PPP1R13B: variants seen among roughly 807,000 people sequenced by gnomAD.
PPP1R13B encodes apoptosis-stimulating of p53 protein 1.
Under a neutral mutation model 119.8 loss-of-function variants are expected in PPP1R13B, and 44 were observed. The ratio of observed to expected loss-of-function variants is 0.37; its 90% CI spans 0.29 to 0.47. PPP1R13B has a LOEUF of 0.47. Among genes scored for constraint, PPP1R13B ranks in the 20% least tolerant of loss-of-function variants. The pLI is 0.99. For missense variants in PPP1R13B, 1,227 were observed against 1,413.5 expected (o/e 0.87, Z 2.12); for synonymous variants, 542 against 561.5 (o/e 0.97, Z 0.49).
chr14:103,819,816 T>G (rs2086365328), intron 1 of PPP1R13B, among the ~76,000 whole-genome samples: 1 of 152,136 alleles, frequency 6.6e-6, no homozygotes, highest in African/African-American at 2.4e-5. Context: ...AACCCCCTTT[T>G]GAGAGGTTAC....
At chr14:103,744,703 T>C (rs1386201371) in intron 9 of PPP1R13B, among the ~76,000 whole-genome samples, 5 of 152,180 alleles carry the variant, frequency 3.3e-5, no homozygotes. Context: ...TCACTCTGGG[T>C]TTACTGTGGC....
Position 103,778,595 on chromosome 14 carries a change from A to G in PPP1R13B, c.354+150T>C. ...ATTTTTTAAAACCTTTTATAGACAG[A>G]GGGTCTCACCATCTTGCTCCAGCTG... On this transcript the variant is annotated intron_variant, in intron 4 of 16. Transcript: ENST00000202556. 3 of 646,582 alleles carry G rather than the reference A, an allele frequency of 4.6e-6. No homozygotes were observed. The South Asian group carries it at 5.6e-5, about 12-fold the overall frequency. 40.1% of individuals were successfully genotyped at this position (646,582 alleles called of 1,614,324 possible). A position where few individuals can be genotyped will look rare whatever the true frequency, so the allele number is the denominator to read the frequency against.
At position 103,746,396 on chromosome 14, in the gene PPP1R13B, G is replaced by C. The variant is rs762791757; in HGVS notation, c.1127C>G (p.Ala376Gly). The C allele has an allele frequency of 5.0e-5, 80 of 1,610,444 alleles. No individual in the cohort carries two copies. The highest frequency in any genetic ancestry group is 5.9e-5 in the Non-Finnish European group (70 of 1,178,470). The change falls in exon 9 of 17, where the codon GCT (alanine) becomes GGT (glycine). Residue 376 changes from alanine to glycine, a missense_variant. Transcript: ENST00000202556. ...KPQSLSIASN[A>G]AHGRSKSAND... Reference sequence around the variant, plus strand: ...ACCGGATTTGGATCTTCCATGAGCAGCATTTGAGGCAATACTGAGAGACTG... The same window carrying C: ...ACCGGATTTGGATCTTCCATGAGCACCATTTGAGGCAATACTGAGAGACTG...
chr14:103,794,002 G>T (rs887462804), intron 2 of PPP1R13B, among the ~76,000 whole-genome samples: 1 of 152,180 alleles, frequency 6.6e-6, no homozygotes, highest in Admixed American at 6.5e-5. Flanking sequence ...CCTTACAAGA[G>T]GGGGAGGTTT....
intron 1 of PPP1R13B, among the ~76,000 whole-genome samples, chr14:103,803,263 T>C (rs1595795675): frequency 6.6e-6 from 1 of 152,046 alleles, no homozygotes; most frequent in East Asian, 1.9e-4. Context: ...ACAAAACAGA[T>C]GAAATTCAGT....
chr14:103,757,424 CAA>C (rs2084704412), intron 5 of PPP1R13B, among the ~76,000 whole-genome samples: 1 of 152,108 alleles, frequency 6.6e-6, no homozygotes, highest in African/African-American at 2.4e-5. Context: ...TTGTATGTGT[CAA>C]AAGTGAGATG....
chr14:103,811,973 T>C (rs1396534687), intron 1 of PPP1R13B, among the ~76,000 whole-genome samples: 3 of 136,084 alleles, frequency 2.2e-5, no homozygotes, highest in Non-Finnish European at 3.0e-5. Flanking sequence ...GGTGGGAGAA[T>C]GGCGTGAACC....
intron 1 of PPP1R13B, among the ~76,000 whole-genome samples, chr14:103,825,980 A>T (rs1056072157): frequency 6.6e-6 from 1 of 152,006 alleles, no homozygotes; most frequent in East Asian, 1.9e-4. Context: ...GAGTAGCTGA[A>T]ATTACAGGTG....
At chr14:103,769,785 T>C (rs1237665749) in intron 4 of PPP1R13B, among the ~76,000 whole-genome samples, 1 of 152,208 alleles carries the variant, frequency 6.6e-6, no homozygotes, top group Non-Finnish European at 1.5e-5. Context: ...GATAATGATA[T>C]CAAGATACCT....
chr14:103,841,616 T>G (rs1024251455), intron 1 of PPP1R13B, among the ~76,000 whole-genome samples: 11 of 152,054 alleles, frequency 7.2e-5, no homozygotes, highest in Non-Finnish European at 4.4e-5. Flanking sequence ...AAAAAAAAAT[T>G]TTTTTAAATA....
At chr14:103,788,280 C>G (rs962927672) in intron 2 of PPP1R13B, among the ~76,000 whole-genome samples, 1 of 152,138 alleles carries the variant, frequency 6.6e-6, no homozygotes, top group Non-Finnish European at 1.5e-5. Context: ...GTCAGACTTA[C>G]TGTTACCTTA....
chr14:103,813,317 T>A (rs1288734654), intron 1 of PPP1R13B, among the ~76,000 whole-genome samples: 1 of 151,830 alleles, frequency 6.6e-6, no homozygotes, highest in Non-Finnish European at 1.5e-5. Context: ...TTTCTGTATA[T>A]CTAAAACTTC....
chr14:103,830,006 T>C (rs1454277776), intron 1 of PPP1R13B, among the ~76,000 whole-genome samples: 1 of 152,054 alleles, frequency 6.6e-6, no homozygotes, highest in Non-Finnish European at 1.5e-5. Flanking sequence ...CTCCATCTCC[T>C]GATGTCATGA....
intron 1 of PPP1R13B, among the ~76,000 whole-genome samples, chr14:103,822,799 C>A (rs2086442455): frequency 6.6e-6 from 1 of 151,478 alleles, no homozygotes; most frequent in Admixed American, 6.6e-5. Context: ...AGAGACAGAG[C>A]AAGACTCCAT....
At chr14:103,760,443 C>T (rs994504510) in intron 4 of PPP1R13B, among the ~76,000 whole-genome samples, 2 of 152,146 alleles carry the variant, frequency 1.3e-5, no homozygotes, top group African/African-American at 4.8e-5. Flanking sequence ...GTAGAGTTGT[C>T]GGATGAGTTC....
chr14:103,799,323 C>T (rs567894983), intron 1 of PPP1R13B, among the ~76,000 whole-genome samples: 13 of 152,224 alleles, frequency 8.5e-5, no homozygotes, highest in Non-Finnish European at 1.8e-4. Flanking sequence ...GGACTACAGG[C>T]GCACGTCACT....
At chr14:103,743,903 C>T (rs1367278123) in intron 9 of PPP1R13B, 3 of 152,302 alleles carry the variant, frequency 2.0e-5, no homozygotes, top group African/African-American at 7.2e-5. Context: ...GATGCAGCCG[C>T]ACCGCAACCC....
At chr14:103,767,858 T>C (rs2084971585) in intron 4 of PPP1R13B, among the ~76,000 whole-genome samples, 1 of 152,228 alleles carries the variant, frequency 6.6e-6, no homozygotes, top group South Asian at 2.1e-4. Context: ...TCAATCTTGA[T>C]AAAGTTAATC....
chr14:103,785,297 G>A (rs1047629720), intron 2 of PPP1R13B, among the ~76,000 whole-genome samples: 41 of 152,076 alleles, frequency 2.7e-4, no homozygotes, highest in African/African-American at 8.9e-4. Flanking sequence ...TTGGCTCACC[G>A]CAACCTCCGC....
Sources: gnomAD v4.1 joint callset for allele counts (sites outside exome capture counted in the v4.1 genomes callset) on GRCh38, gnomAD v4.1.1 for gene constraint, MANE v1.5 for transcripts, NCBI Gene and HGNC (gene_info 2026-07-23, HGNC 2026-07-21) for gene names.